Variants in CNTNAP2 observed in about 807,000 individuals in gnomAD.
CNTNAP2 encodes the protein contactin-associated protein-like 2.
Under a neutral mutation model 155.2 loss-of-function variants are expected in CNTNAP2, and 98 were observed. That is an observed-to-expected ratio of 0.63 (90% CI 0.54 to 0.75). The LOEUF (loss-of-function observed/expected upper bound fraction) is 0.75. CNTNAP2 is among the 30% of genes least tolerant of loss of function. The pLI is 0.00. For synonymous variants in CNTNAP2, 651 were observed against 631.2 expected, an observed-to-expected ratio of 1.03 and a Z score of -0.47; for missense variants, 1,727 against 1,688.1, an observed-to-expected ratio of 1.02 and a Z score of -0.40.
chr7:147,147,588 C>T (rs1258141771), intron 8 of CNTNAP2, among the ~76,000 whole-genome samples: 2 of 152,116 alleles, frequency 1.3e-5, no homozygotes, highest in African/African-American at 2.4e-5. Context: ...GCTCAGCATC[C>T]TCTGCGTGGA....
chr7:147,948,791 A>T (rs764996334), intron 14 of CNTNAP2, among the ~76,000 whole-genome samples: 1 of 151,944 alleles, frequency 6.6e-6, no homozygotes, highest in African/African-American at 2.4e-5. Flanking sequence ...CTAATAGCCT[A>T]CCGTTGACTG....
rs1563079522 is a variant in CNTNAP2, at chr7:148,413,437, T to A, written c.3797-1980T>A. On this transcript the variant is annotated intron_variant, in intron 23 of 23. Coordinates refer to ENST00000361727, the MANE Select transcript of CNTNAP2 (RefSeq NM_014141.6). ...ATATATATATATATATATATATATA[T>A]ATATATATATTGCTCCATAGTTTTC... Among the ~76,000 whole-genome samples the A allele has an allele frequency of 1.3e-4, 14 of 110,106 alleles. 2 individuals carry two copies. Among genetic ancestry groups the A allele is most frequent in the African/African-American group, 2.9e-4 (8 of 27,798 alleles). 72.2% of individuals were successfully genotyped at this position (110,106 alleles called of 152,430 possible).
intron 18 of CNTNAP2, among the ~76,000 whole-genome samples, chr7:148,173,331 T>C (rs1794865779): frequency 1.3e-5 from 2 of 152,210 alleles, no homozygotes. Context: ...AAATCACTCC[T>C]CTCTTTCTAA....
intron 1 of CNTNAP2, among the ~76,000 whole-genome samples, chr7:146,444,962 G>A (rs900402318): frequency 5.3e-5 from 8 of 151,766 alleles, no homozygotes; most frequent in African/African-American, 1.9e-4. Flanking sequence ...AGACACATAA[G>A]CCACCACGCC....
rs544559843 is a variant in CNTNAP2, at chr7:147,257,375, G to A, written c.1349-42766G>A. ...TCCTTTCAAAGGGAATCCTTGCAGCGGCCCACTCAGCAATCTAATCAGATA... is the reference window on the plus strand; with the variant it reads ...TCCTTTCAAAGGGAATCCTTGCAGCAGCCCACTCAGCAATCTAATCAGATA... On this transcript the variant is annotated intron_variant, in intron 8 of 23. Transcript: ENST00000361727. Among the ~76,000 whole-genome samples, 5 of 152,256 alleles carry A rather than the reference G, an allele frequency of 3.3e-5. No individual in the cohort carries two copies. The South Asian group carries it at 6.2e-4, about 19-fold the overall frequency.
At chr7:147,522,768 C>CA (rs143914653) in intron 11 of CNTNAP2, among the ~76,000 whole-genome samples, 35,475 of 92,816 alleles carry the variant, frequency 0.38, 4,544 homozygotes, top group Middle Eastern at 0.43. Context: ...TCTGGCCCAG[C>CA]AAAAAAAAAA....
intron 20 of CNTNAP2, among the ~76,000 whole-genome samples, chr7:148,236,236 C>G (rs1054186883): frequency 6.6e-6 from 1 of 152,306 alleles, no homozygotes; most frequent in South Asian, 2.1e-4. Flanking sequence ...GCCTCTCTCT[C>G]TCAAGGTAAT....
At chr7:146,611,553 C>T (rs1799137682) in intron 1 of CNTNAP2, among the ~76,000 whole-genome samples, 1 of 151,986 alleles carries the variant, frequency 6.6e-6, no homozygotes, top group South Asian at 2.1e-4. Flanking sequence ...TCAGGTATAT[C>T]TGAGGGCAAA....
intron 4 of CNTNAP2, among the ~76,000 whole-genome samples, chr7:147,050,576 T>C (rs1799453581): frequency 1.3e-5 from 2 of 151,798 alleles, no homozygotes; most frequent in Non-Finnish European, 2.9e-5. Context: ...TAAAAGACAG[T>C]GTTTGGTCAT....
chr7:146,892,309 A>G (rs371340977), intron 3 of CNTNAP2, among the ~76,000 whole-genome samples: 3 of 152,294 alleles, frequency 2.0e-5, no homozygotes, highest in African/African-American at 7.2e-5. Context: ...TCCATGACAC[A>G]GGAAGTGAAT....
rs398006723 is a variant in CNTNAP2 at position 148,235,685 on chromosome 7, A to ATTTTT, written c.3381+5921_3381+5925dup. Among the ~76,000 whole-genome samples, 118 of 121,892 alleles carry ATTTTT rather than the reference A, an allele frequency of 9.7e-4. 4 individuals are homozygous for ATTTTT. Among genetic ancestry groups the ATTTTT allele is most frequent in the East Asian group, 1.9e-3 (8 of 4,182 alleles). 80.0% of individuals were successfully genotyped at this position (121,892 alleles called of 152,430 possible). On this transcript the variant is annotated intron_variant, in intron 20 of 23. Coordinates refer to ENST00000361727, the MANE Select transcript of CNTNAP2 (RefSeq NM_014141.6). Reference sequence around the variant, plus strand: ...TGCTCCTTACAGCTGTGCAGCAATTATTTTTTTTTTTTTTTTTTTGAGACG... The same window carrying ATTTTT: ...TGCTCCTTACAGCTGTGCAGCAATTATTTTTTTTTTTTTTTTTTTTTTTTGAGACG...
chr7:147,405,256 CAT>C (rs1796986251), intron 10 of CNTNAP2, among the ~76,000 whole-genome samples: 1 of 152,150 alleles, frequency 6.6e-6, no homozygotes, highest in African/African-American at 2.4e-5. Flanking sequence ...CTTTTGATAT[CAT>C]ATTACCTGCA....
In CNTNAP2 at chr7:146,284,320, C is replaced by A. The variant is rs543649905; in HGVS notation, c.97+167347C>A. On this transcript the variant is annotated intron_variant, in intron 1 of 23. Transcript: ENST00000361727. ...TGATTTCACCTGGTGGCTAAAATAACACCAAAAACAATTTATAGACATTTT... is the reference window on the plus strand; with the variant it reads ...TGATTTCACCTGGTGGCTAAAATAAAACCAAAAACAATTTATAGACATTTT... 5.3e-5 allele frequency among the ~76,000 whole-genome samples: 8 copies of A among 152,070 alleles called. No individual in the cohort carries two copies. In the East Asian group the frequency reaches 1.5e-3, roughly 29 times the overall value.
Position 147,261,555 on chromosome 7 carries a change from TA to T in CNTNAP2, c.1349-38573del, listed in dbSNP as rs562044500. On this transcript the variant is annotated intron_variant, in intron 8 of 23. Transcript: ENST00000361727. ...TCTTGTCAAGTGGTAAGGGATACTTTAAAAAAAAAAAAACCTACCATGAAGA... is the reference window on the plus strand; with the variant it reads ...TCTTGTCAAGTGGTAAGGGATACTTTAAAAAAAAAAAACCTACCATGAAGA... Among the ~76,000 whole-genome samples the T allele has an allele frequency of 7.5e-3, 1,099 of 146,776 alleles. 10 individuals carry two copies. The highest frequency in any genetic ancestry group is 0.024 in the African/African-American group (964 of 40,184).
chr7:147,311,511 G>T (rs190040978), intron 9 of CNTNAP2, among the ~76,000 whole-genome samples: 1 of 152,090 alleles, frequency 6.6e-6, no homozygotes, highest in African/African-American at 2.4e-5. Flanking sequence ...TCCAGGCAGC[G>T]TGGCCTCAGC....
chr7:148,073,179 A>G (rs557282946), intron 15 of CNTNAP2, among the ~76,000 whole-genome samples: 72 of 152,214 alleles, frequency 4.7e-4, no homozygotes, highest in African/African-American at 1.6e-3. Context: ...TACACTGAAA[A>G]CTTAGAATAC....
At chr7:148,273,487 T>G (rs182573669) in intron 21 of CNTNAP2, among the ~76,000 whole-genome samples, 2 of 152,350 alleles carry the variant, frequency 1.3e-5, no homozygotes, top group East Asian at 3.9e-4. Flanking sequence ...TAATTTTATT[T>G]CTGAGCCCTC....
At chr7:147,630,213 T>C (rs1202798425) in intron 12 of CNTNAP2, among the ~76,000 whole-genome samples, 2 of 148,484 alleles carry the variant, frequency 1.3e-5, no homozygotes, top group Non-Finnish European at 3.0e-5. Context: ...AAATCTAATG[T>C]AGATGGATAA....
At chr7:146,304,179 G>A (rs1800665993) in intron 1 of CNTNAP2, among the ~76,000 whole-genome samples, 2 of 150,546 alleles carry the variant, frequency 1.3e-5, no homozygotes, top group Admixed American at 1.3e-4. Context: ...ATGTGAGATG[G>A]GTCTCCTGAA....
Sources: allele counts gnomAD v4.1 joint callset (sites outside exome capture counted in the v4.1 genomes callset), GRCh38; gene constraint gnomAD v4.1.1; transcripts MANE v1.5; gene names NCBI Gene and HGNC (gene_info 2026-07-23, HGNC 2026-07-21).